Variants in RPL31 observed in about 807,000 individuals in gnomAD.
RPL31 encodes the protein ribosomal protein L31.
For missense variants in RPL31, 95 were observed against 164.0 expected, an observed-to-expected ratio of 0.58 and a Z score of 2.30; for synonymous variants, 51 against 55.0, an observed-to-expected ratio of 0.93 and a Z score of 0.32.
chr2:101,008,162 C>T (rs1331348471), downstream of RPL31: 29 of 1,613,650 alleles, frequency 1.8e-5, no homozygotes, highest in East Asian at 4.5e-5. Context: ...CCCACCTCCC[C>T]GATCTGCAGC....
downstream of RPL31, among the ~76,000 whole-genome samples, chr2:101,007,458 C>T (rs150986003): frequency 1.1e-3 from 164 of 152,320 alleles, no homozygotes; most frequent in African/African-American, 3.7e-3. Flanking sequence ...CCCATTGTCA[C>T]TCCAAGTGAA....
chr2:101,017,635 C>A (rs1186013799), intron 4 of RPL31, among the ~76,000 whole-genome samples: 2 of 152,184 alleles, frequency 1.3e-5, no homozygotes, highest in African/African-American at 4.8e-5. Context: ...GCAAAGCAGA[C>A]CATGCTGTGC....
chr2:101,015,630 A>G (rs1679572526), intron 4 of RPL31, among the ~76,000 whole-genome samples: 1 of 152,240 alleles, frequency 6.6e-6, no homozygotes, highest in Non-Finnish European at 1.5e-5. Context: ...ACCTAAGCCA[A>G]AAGAACAAAG....
intron 4 of RPL31, among the ~76,000 whole-genome samples, chr2:101,017,394 A>G (rs1008565367): frequency 2.4e-4 from 36 of 152,230 alleles, no homozygotes; most frequent in African/African-American, 8.0e-4. Context: ...TTTATATGCT[A>G]TACTTTTATA....
intron 4 of RPL31, chr2:101,017,710 C>T: frequency 2.6e-6 from 2 of 781,668 alleles, no homozygotes; most frequent in Non-Finnish European, 4.1e-6. Context: ...TAACAGATAT[C>T]CATGGTACAT....
At chr2:101,019,024 G>C in exon 5 of RPL31, 1 of 1,612,034 alleles carries the variant, frequency 6.2e-7, no homozygotes, top group Middle Eastern at 1.6e-4. Context: ...TGTTACAGTC[G>C]CCAAGAGCCC....
At chr2:101,003,713 G>A (rs1678622880) in intron 2 of RPL31, among the ~76,000 whole-genome samples, 1 of 152,224 alleles carries the variant, frequency 6.6e-6, no homozygotes, top group Non-Finnish European at 1.5e-5. Context: ...CGACCTGCCT[G>A]CACACTTCAG....
At chr2:101,016,031 A>G (rs913024155) in intron 4 of RPL31, among the ~76,000 whole-genome samples, 1 of 151,846 alleles carries the variant, frequency 6.6e-6, no homozygotes, top group Non-Finnish European at 1.5e-5. Flanking sequence ...TTCATGTCTA[A>G]AACACCAAAA....
intron 1 of RPL31, 51 bp from the exon 2 acceptor site, chr2:101,002,651 G>A (rs761384089): frequency 3.2e-5 from 46 of 1,454,640 alleles, no homozygotes; most frequent in Non-Finnish European, 4.1e-5. Context: ...GGGAGGACTT[G>A]GCTTGAGCTT....
At chr2:101,006,129 TAA>T in intron 4 of RPL31, 58 bp downstream of exon 4, 1 of 1,580,988 alleles carries the variant, frequency 6.3e-7, no homozygotes, top group Non-Finnish European at 8.6e-7. Flanking sequence ...CCTTACCTCT[TAA>T]AATGTGAATT....
intron 1 of RPL31, 187 bp downstream of exon 1, chr2:101,002,502 C>T: frequency 1.6e-6 from 1 of 611,566 alleles, no homozygotes; most frequent in South Asian, 2.0e-5. Flanking sequence ...TTAGGGGAGC[C>T]GGAGCGGCAG....
At chr2:101,018,301 A>C (rs1679804391) in intron 4 of RPL31, 2 of 169,524 alleles carry the variant, frequency 1.2e-5, no homozygotes, top group Non-Finnish European at 1.3e-5. Context: ...TGTTAATATA[A>C]TGTCATGTGC....
At chr2:101,007,990 A>C (rs1213226047), downstream of RPL31, 2 of 1,614,034 alleles carry the variant, frequency 1.2e-6, no homozygotes, top group Non-Finnish European at 1.7e-6. Flanking sequence ...AATATGTTCA[A>C]GGGAGACAGT....
intron 2 of RPL31, 129 bp from the exon 3 acceptor site, chr2:101,004,029 T>TG: frequency 6.0e-6 from 6 of 993,312 alleles, no homozygotes; most frequent in Non-Finnish European, 7.4e-6. Context: ...TGTAAAAACT[T>TG]GGTTTTGTTA....
At chr2:101,008,167 T>C (rs750260189), downstream of RPL31, 11 of 1,613,702 alleles carry the variant, frequency 6.8e-6, no homozygotes, top group Admixed American at 1.7e-4. Flanking sequence ...CTCCCCGATC[T>C]GCAGCAGCAG....
At position 101,006,393 on chromosome 2, in the gene RPL31, C is replaced by A; in HGVS notation, c.*12C>A. The A allele has an allele frequency of 6.2e-7, 1 of 1,608,568 alleles. No homozygotes were observed. Among genetic ancestry groups the A allele is most frequent in the Non-Finnish European group, 8.5e-7 (1 of 1,178,354 alleles). ...TGGATGAGAACTAATCGCTGATCGTCAGATCAAATAAAGTTATAAAATTGC... is the reference window on the plus strand; with the variant it reads ...TGGATGAGAACTAATCGCTGATCGTAAGATCAAATAAAGTTATAAAATTGC... On this transcript the variant is annotated 3_prime_UTR_variant, in exon 5 of 5. Coordinates refer to ENST00000264258, the MANE Select transcript of RPL31 (RefSeq NM_000993.5).
downstream of RPL31, chr2:101,007,703 A>C: frequency 9.7e-7 from 1 of 1,036,114 alleles, no homozygotes; most frequent in South Asian, 1.6e-5. Context: ...CAGGTTGTTT[A>C]GCCAGATGCC....
rs561502560 is a variant in RPL31, at chr2:101,006,589, C to T, written c.*208C>T. On this transcript the variant is annotated 3_prime_UTR_variant, in exon 5 of 5. Transcript: ENST00000264258. ...GCAACCTAGTTTTAGAACCACTGTT[C>T]TGGGTAGTTGGGATACTGAAGGCAT... The T allele has an allele frequency of 2.0e-6, 1 of 496,992 alleles. No individual in the cohort carries two copies. The highest frequency in any genetic ancestry group is 3.5e-6 in the Non-Finnish European group (1 of 286,572). 30.8% of individuals were successfully genotyped at this position (496,992 alleles called of 1,614,324 possible).
At chr2:101,009,821 C>CA (rs144990163), downstream of RPL31, among the ~76,000 whole-genome samples, 36,204 of 133,940 alleles carry the variant, frequency 0.27, 5,410 homozygotes, top group Middle Eastern at 0.42. Context: ...AAAAAAGGAG[C>CA]TTTTTCTTTT....
Sources: allele counts gnomAD v4.1 joint callset (sites outside exome capture counted in the v4.1 genomes callset), GRCh38; gene constraint gnomAD v4.1.1; transcripts MANE v1.5; gene names NCBI Gene and HGNC (gene_info 2026-07-23, HGNC 2026-07-21).